Variants in MYO3B observed in about 807,000 individuals in gnomAD.
MYO3B encodes myosin-IIIb.
Under a neutral mutation model 174.6 loss-of-function variants are expected in MYO3B, and 156 were observed. The observed-to-expected ratio is 0.89, with a 90% CI of 0.78 to 1.02. The LOEUF is 1.02. MYO3B is among the 50% of genes least tolerant of loss of function. MYO3B has a pLI of 0.00. For synonymous variants in MYO3B, 563 were observed against 569.1 expected (o/e 0.99, Z 0.15); for missense variants, 1,632 against 1,639.4 (o/e 1.00, Z 0.08).
chr2:170,526,779 A>G (rs979463460), intron 30 of MYO3B, among the ~76,000 whole-genome samples: 2 of 152,204 alleles, frequency 1.3e-5, no homozygotes, highest in African/African-American at 4.8e-5. Context: ...GTTTTGAGTT[A>G]TATTTTTCCT....
At chr2:170,606,760 C>A (rs2106353125) in intron 32 of MYO3B, among the ~76,000 whole-genome samples, 1 of 152,292 alleles carries the variant, frequency 6.6e-6, no homozygotes, top group South Asian at 2.1e-4. Context: ...GTGGCTCACA[C>A]CTGTAATCCC....
chr2:170,460,256 G>T, intron 23 of MYO3B, among the ~76,000 whole-genome samples: 1 of 152,226 alleles, frequency 6.6e-6, no homozygotes, highest in South Asian at 2.1e-4. Context: ...TTGGGAGGCC[G>T]AGGCGGGCGG....
chr2:170,262,847 A>C (rs531931338), intron 7 of MYO3B, among the ~76,000 whole-genome samples: 1 of 152,280 alleles, frequency 6.6e-6, no homozygotes, highest in East Asian at 1.9e-4. Context: ...AGAGCCTTTG[A>C]AGTCTAGGAC....
At chr2:170,236,424 G>C (rs890888892) in intron 7 of MYO3B, among the ~76,000 whole-genome samples, 1 of 152,132 alleles carries the variant, frequency 6.6e-6, no homozygotes, top group African/African-American at 2.4e-5. Context: ...ATAAGACTAC[G>C]AATGGAATTG....
intron 6 of MYO3B, among the ~76,000 whole-genome samples, chr2:170,222,332 A>G (rs898294908): frequency 1.3e-5 from 2 of 152,224 alleles, no homozygotes; most frequent in African/African-American, 2.4e-5. Context: ...TTTCCACCCT[A>G]TATTTATTTT....
intron 7 of MYO3B, among the ~76,000 whole-genome samples, chr2:170,250,525 T>C (rs1412096353): frequency 6.6e-6 from 1 of 152,202 alleles, no homozygotes; most frequent in Non-Finnish European, 1.5e-5. Flanking sequence ...GGCATGCAGA[T>C]GGACAGGTGC....
At chr2:170,455,104 T>A (rs980757318) in intron 23 of MYO3B, among the ~76,000 whole-genome samples, 3 of 152,160 alleles carry the variant, frequency 2.0e-5, no homozygotes, top group Non-Finnish European at 4.4e-5. Flanking sequence ...TTGGAAAAAT[T>A]TAGAATCTTG....
chr2:170,532,578 C>T lies in MYO3B; in HGVS notation c.3576-10328C>T, dbSNP rs575467889. On this transcript the variant is annotated intron_variant, in intron 30 of 34. Coordinates refer to ENST00000408978, the MANE Select transcript of MYO3B (RefSeq NM_138995.5). ...CTGTAATCCTAGCACTTTGGGAGGC[C>T]AAGGTGGGCGGATCACCTGGGGTCA... 2.0e-5 allele frequency among the ~76,000 whole-genome samples: 3 copies of T among 152,006 alleles called. No homozygotes were observed. The South Asian group carries it at 6.2e-4, about 32-fold the overall frequency.
intron 23 of MYO3B, among the ~76,000 whole-genome samples, chr2:170,444,406 T>C (rs1211005379): frequency 2.0e-5 from 3 of 152,236 alleles, no homozygotes; most frequent in Non-Finnish European, 4.4e-5. Flanking sequence ...AAATGAGTTG[T>C]ACACTCATCT....
chr2:170,364,943 T>G (rs1397047751), intron 8 of MYO3B, among the ~76,000 whole-genome samples: 1 of 152,202 alleles, frequency 6.6e-6, no homozygotes, highest in Non-Finnish European at 1.5e-5. Context: ...GCCTCCTGAC[T>G]TACTGGCTTT....
chr2:170,519,204 G>C (rs1264400188), intron 29 of MYO3B, among the ~76,000 whole-genome samples: 2 of 152,116 alleles, frequency 1.3e-5, no homozygotes, highest in Non-Finnish European at 2.9e-5. Context: ...GAGAGAGGTA[G>C]CTTGTTTTCC....
intron 32 of MYO3B, among the ~76,000 whole-genome samples, chr2:170,576,611 GAGAA>G (rs1323096233): frequency 2.6e-5 from 4 of 152,210 alleles, no homozygotes; most frequent in Non-Finnish European, 5.9e-5. Context: ...TTATTAGGAC[GAGAA>G]AGAAAGAGAA....
chr2:170,251,029 G>A (rs1222837364), intron 7 of MYO3B, among the ~76,000 whole-genome samples: 7 of 152,126 alleles, frequency 4.6e-5, no homozygotes, highest in Non-Finnish European at 2.9e-5. Context: ...AAACAGGAAT[G>A]CCTGTTTTCA....
At chr2:170,596,737 A>T (rs1349870226) in intron 32 of MYO3B, among the ~76,000 whole-genome samples, 1 of 152,178 alleles carries the variant, frequency 6.6e-6, no homozygotes, top group Non-Finnish European at 1.5e-5. Flanking sequence ...TAAGGGGATA[A>T]GAAATGGTGC....
rs1041047784 is a variant in MYO3B, at chr2:170,220,665, C to G, written c.603+3270C>G. 6.2e-5 allele frequency among the ~76,000 whole-genome samples: 9 copies of G among 145,622 alleles called. No homozygotes were observed. In the South Asian group the frequency reaches 2.0e-3, roughly 32 times the overall value. On this transcript the variant is annotated intron_variant, in intron 6 of 34. Coordinates refer to ENST00000408978, the MANE Select transcript of MYO3B (RefSeq NM_138995.5). Reference sequence around the variant, plus strand: ...AAAAAAAAAAAAAAATGGAGTGTTTCTGTAGGGGACAGTTTATGGTGAGCT... The same window carrying G: ...AAAAAAAAAAAAAAATGGAGTGTTTGTGTAGGGGACAGTTTATGGTGAGCT...
chr2:170,605,199 ACT>A (rs1694740104), intron 32 of MYO3B, among the ~76,000 whole-genome samples: 1 of 151,748 alleles, frequency 6.6e-6, no homozygotes, highest in African/African-American at 2.4e-5. Context: ...TTCTTAAACC[ACT>A]CTCTTCTCAG....
chr2:170,465,383 A>G (rs1460398599), intron 24 of MYO3B, among the ~76,000 whole-genome samples: 1 of 152,202 alleles, frequency 6.6e-6, no homozygotes, highest in Non-Finnish European at 1.5e-5. Context: ...CCGATTTTGC[A>G]TGAACTAATA....
At chr2:170,383,674 C>T in intron 11 of MYO3B, 36 bp from the exon 12 acceptor site, 2 of 1,510,418 alleles carry the variant, frequency 1.3e-6, no homozygotes, top group Non-Finnish European at 1.8e-6. Flanking sequence ...ATTAGATGGT[C>T]CAGGGGAGAG....
chr2:170,373,137 A>G lies in MYO3B; in HGVS notation c.971+3760A>G, dbSNP rs1468919346. 2.6e-5 allele frequency among the ~76,000 whole-genome samples: 4 copies of G among 152,312 alleles called. No individual in the cohort carries two copies. In the East Asian group the frequency reaches 7.7e-4, roughly 29 times the overall value. On this transcript the variant is annotated intron_variant, in intron 9 of 34. Transcript: ENST00000408978. Reference sequence around the variant, plus strand: ...AGTGAGCAGATCATAGTAATTACAAATGGCAGAAGATATTAAAATAATGAT... The same window carrying G: ...AGTGAGCAGATCATAGTAATTACAAGTGGCAGAAGATATTAAAATAATGAT...
Sources: gnomAD v4.1 joint callset for allele counts (sites outside exome capture counted in the v4.1 genomes callset) on GRCh38, gnomAD v4.1.1 for gene constraint, MANE v1.5 for transcripts, NCBI Gene and HGNC (gene_info 2026-07-23, HGNC 2026-07-21) for gene names.